Variants in OR2C1 observed in about 807,000 individuals in gnomAD.
The protein encoded by OR2C1 is olfactory receptor family 2 subfamily C member 1, also known as olfactory receptor 2C1.
For synonymous variants in OR2C1, 209 were observed against 167.3 expected (o/e 1.25, Z -1.92); for missense variants, 468 against 388.3 (o/e 1.21, Z -1.73).
the OR2C1 span, among the ~76,000 whole-genome samples, chr16:3,346,624 CT>C: frequency 0.13 from 16,255 of 127,708 alleles, 771 homozygotes; most frequent in Middle Eastern, 0.28. Context: ...GTCCATGCAT[CT>C]TTTTTTTTTT....
At chr16:3,323,744 C>G in the OR2C1 span, 1 of 687,690 alleles carries the variant, frequency 1.5e-6, no homozygotes, top group Non-Finnish European at 2.6e-6. Flanking sequence ...ACATTTCTGC[C>G]ACCAGGAATT....
In OR2C1 at chr16:3,356,001, C is replaced by A; in HGVS notation, c.61C>A (p.Pro21Thr). ...GFVLMGISDHPQLEMIFFIAI... is the reference protein window; with the variant it reads ...GFVLMGISDHTQLEMIFFIAI... ...TGTTCTGATGGGCATATCAGACCATCCCCAGCTGGAGATGATCTTTTTTAT... is the reference window on the plus strand; with the variant it reads ...TGTTCTGATGGGCATATCAGACCATACCCAGCTGGAGATGATCTTTTTTAT... Residue 21 changes from proline to threonine, a missense_variant, in exon 1 of 1, where the codon CCC (proline) becomes ACC (threonine). Physicochemically the swap from Pro to Thr is conservative, Grantham distance 38. Coordinates refer to ENST00000304936, the MANE Select transcript of OR2C1 (RefSeq NM_012368.3). 6.2e-7 allele frequency: 1 copy of A among 1,613,906 alleles called. No homozygotes were observed. Among genetic ancestry groups the A allele is most frequent in the South Asian group, 1.1e-5 (1 of 91,056 alleles).
At position 3,356,817 on chromosome 16, in the gene OR2C1, C is replaced by A. The variant is rs148753562; in HGVS notation, c.877C>A (p.Arg293=). ...PMVNPLIYTL[R]NMEVKGALRR... ...GGTGAATCCCCTCATCTACACGCTG[C>A]GGAACATGGAAGTGAAGGGCGCACT... The change falls in exon 1 of 1, where the codon CGG becomes AGG. Residue 293 remains arginine, a synonymous_variant. Transcript: ENST00000304936. The A allele has an allele frequency of 4.3e-6, 7 of 1,613,630 alleles. No homozygotes were observed. Among genetic ancestry groups the A allele is most frequent in the Non-Finnish European group, 5.9e-6 (7 of 1,179,710 alleles).
In OR2C1 at chr16:3,356,455, G is replaced by A. The variant is rs746467208; in HGVS notation, c.515G>A (p.Arg172Gln). ...FTLQLPLCGHRRVEGFLCEVP... is the reference protein window; with the variant it reads ...FTLQLPLCGHQRVEGFLCEVP... ...CTGCAGCTCCCATTGTGTGGGCACC[G>A]GAGGGTGGAGGGATTCCTCTGCGAG... is the stretch of plus-strand genomic sequence containing the variant. The change falls in exon 1 of 1, where the codon CGG becomes CAG. Residue 172 changes from arginine to glutamine, a missense_variant. Arg to Gln is a conservative substitution (Grantham distance 43). Coordinates refer to ENST00000304936, the MANE Select transcript of OR2C1 (RefSeq NM_012368.3). 1.1e-5 allele frequency: 17 copies of A among 1,613,942 alleles called. No individual in the cohort carries two copies. The highest frequency in any genetic ancestry group is 1.6e-4 in the Middle Eastern group (1 of 6,062).
the OR2C1 span, among the ~76,000 whole-genome samples, chr16:3,338,778 C>T: frequency 6.6e-6 from 1 of 152,092 alleles, no homozygotes; most frequent in Non-Finnish European, 1.5e-5. Context: ...CCTTGTGATC[C>T]GCCCGCCTCG....
At chr16:3,323,250 T>C in the OR2C1 span, 4 of 789,342 alleles carry the variant, frequency 5.1e-6, no homozygotes, top group East Asian at 7.4e-5. Context: ...GCCCATCTCC[T>C]TGAGGAAGCC....
chr16:3,349,850 C>G, the OR2C1 span, among the ~76,000 whole-genome samples: 1 of 151,198 alleles, frequency 6.6e-6, no homozygotes, highest in Admixed American at 6.6e-5. Context: ...TGCAGTGAGC[C>G]AAGATCGTGC....
At chr16:3,334,847 TCA>T in the OR2C1 span, among the ~76,000 whole-genome samples, 1 of 151,718 alleles carries the variant, frequency 6.6e-6, no homozygotes, top group Non-Finnish European at 1.5e-5. Context: ...AGACAGAGTC[TCA>T]CTCTTGTTGC....
chr16:3,333,211 A>ATTTTTT, the OR2C1 span, among the ~76,000 whole-genome samples: 1 of 65,852 alleles, frequency 1.5e-5, no homozygotes, highest in Admixed American at 1.9e-4. Flanking sequence ...TCTTTTGCCC[A>ATTTTTT]TTTTTTTTTT....
chr16:3,331,393 T>C, the OR2C1 span, among the ~76,000 whole-genome samples: 1 of 151,604 alleles, frequency 6.6e-6, no homozygotes, highest in South Asian at 2.1e-4. Flanking sequence ...TTAGTTTAAT[T>C]AGATCCCATT....
the OR2C1 span, among the ~76,000 whole-genome samples, chr16:3,327,723 G>A: frequency 9.2e-5 from 14 of 152,000 alleles, no homozygotes; most frequent in Admixed American, 2.0e-4. Flanking sequence ...CAGTGGCATC[G>A]GTTAATTAGT....
At chr16:3,355,289 C>T (rs1005894656), upstream of OR2C1, among the ~76,000 whole-genome samples, 1 of 151,056 alleles carries the variant, frequency 6.6e-6, no homozygotes, top group South Asian at 2.1e-4. Context: ...GGTGAAACCC[C>T]GTCTCTACTA....
At chr16:3,357,738 T>C (rs2030706842), downstream of OR2C1, among the ~76,000 whole-genome samples, 1 of 152,102 alleles carries the variant, frequency 6.6e-6, no homozygotes, top group East Asian at 1.9e-4. Context: ...TCCCAGCACT[T>C]TGGGAGGCCG....
chr16:3,346,883 C>G, the OR2C1 span, among the ~76,000 whole-genome samples: 4 of 151,308 alleles, frequency 2.6e-5, no homozygotes, highest in African/African-American at 9.7e-5. Flanking sequence ...CTGCCCACCT[C>G]AGGCTCCCAA....
rs778745993 is a variant in OR2C1 at position 3,355,988 on chromosome 16, C to G, written c.48C>G (p.Gly16=). Residue 16 remains glycine, a synonymous_variant, in exon 1 of 1, where the codon GGC becomes GGG. Coordinates refer to ENST00000304936, the MANE Select transcript of OR2C1 (RefSeq NM_012368.3). ...CCTTGCAGGGCTTTGTTCTGATGGGCATATCAGACCATCCCCAGCTGGAGA... is the reference window on the plus strand; with the variant it reads ...CCTTGCAGGGCTTTGTTCTGATGGGGATATCAGACCATCCCCAGCTGGAGA... ...DSSLQGFVLM[G]ISDHPQLEMI... 1.2e-6 allele frequency: 2 copies of G among 1,613,812 alleles called. No individual in the cohort carries two copies. Among genetic ancestry groups the G allele is most frequent in the Non-Finnish European group, 1.7e-6 (2 of 1,179,776 alleles).
Position 3,357,144 on chromosome 16 carries a change from C to G in OR2C1, c.*265C>G, listed in dbSNP as rs1202628971. ...GGGCTCAGAGGTTATTGACCTGTGA[C>G]AGACCTGTCTCACTGTCTCTGTCTC... On this transcript the variant is annotated 3_prime_UTR_variant, in exon 1 of 1. Transcript: ENST00000304936. 2.5e-5 allele frequency: 10 copies of G among 406,504 alleles called. No individual in the cohort carries two copies. 25.2% of individuals were successfully genotyped at this position (406,504 alleles called of 1,614,324 possible).
At chr16:3,330,942 G>T in the OR2C1 span, among the ~76,000 whole-genome samples, 2 of 151,946 alleles carry the variant, frequency 1.3e-5, no homozygotes, top group South Asian at 2.1e-4. Context: ...TCTAGTTCTA[G>T]ATCCCTGAGG....
At chr16:3,323,093 C>G in the OR2C1 span, 1 of 523,688 alleles carries the variant, frequency 1.9e-6, no homozygotes, top group Non-Finnish European at 3.1e-6. Flanking sequence ...AGGAAATAGT[C>G]TTTGAAGATA....
the OR2C1 span, among the ~76,000 whole-genome samples, chr16:3,332,936 T>G: frequency 8.1e-3 from 1,231 of 152,160 alleles, 17 homozygotes; most frequent in African/African-American, 0.028. Context: ...TATTTTTAGT[T>G]TTTTTGAGGA....
Sources: allele counts gnomAD v4.1 joint callset (sites outside exome capture counted in the v4.1 genomes callset), GRCh38; gene constraint gnomAD v4.1.1; transcripts MANE v1.5; gene names NCBI Gene and HGNC (gene_info 2026-07-23, HGNC 2026-07-21).